STAC: variants seen among roughly 807,000 people sequenced by gnomAD.
The protein encoded by STAC is SH3 and cysteine rich domain, also known as SH3 and cysteine-rich domain-containing protein.
STAC carries 43 observed loss-of-function variants against 48.8 expected under a neutral mutation model. The observed-to-expected ratio is 0.88, with a 90% CI of 0.69 to 1.14. The LOEUF is 1.14. Among genes scored for constraint, STAC ranks in the 50% most tolerant of loss-of-function variants. The probability of loss-of-function intolerance (pLI) is 0.00; values close to 1 mark genes in which losing one functional copy is unlikely to be tolerated. For synonymous variants in STAC, 193 were observed against 179.5 expected, an observed-to-expected ratio of 1.07 and a Z score of -0.60; for missense variants, 497 against 504.0, an observed-to-expected ratio of 0.99 and a Z score of 0.13.
At chr3:36,447,643 TAC>T (rs201634587) in intron 2 of STAC, among the ~76,000 whole-genome samples, 269 of 132,476 alleles carry the variant, frequency 2.0e-3, no homozygotes, top group Non-Finnish European at 3.3e-3. Flanking sequence ...TATATATGTA[TAC>T]ACACCACACA....
rs915620718 is a variant in STAC at position 36,391,408 on chromosome 3, T to A, written c.111+10654T>A. ...ATCATTTCATCCACCAGCTGAAAAC[T>A]CCTAAATCTGCATCCAACCCAGACA... On this transcript the variant is annotated intron_variant, in intron 1 of 10. Coordinates refer to ENST00000273183, the MANE Select transcript of STAC (RefSeq NM_003149.3). 4.6e-5 allele frequency among the ~76,000 whole-genome samples: 7 copies of A among 152,280 alleles called. No individual in the cohort carries two copies. The South Asian group carries it at 1.4e-3, about 32-fold the overall frequency.
intron 1 of STAC, among the ~76,000 whole-genome samples, chr3:36,432,235 T>A (rs1359112506): frequency 6.6e-6 from 1 of 152,220 alleles, no homozygotes; most frequent in African/African-American, 2.4e-5. Flanking sequence ...TCCTATTTTA[T>A]GGACGGGGAA....
intron 2 of STAC, among the ~76,000 whole-genome samples, chr3:36,469,361 T>A (rs1697262961): frequency 6.6e-6 from 1 of 152,148 alleles, no homozygotes. Flanking sequence ...TTTTGCTGGA[T>A]AAAAAATTAC....
At chr3:36,386,977 C>T (rs1390476284) in intron 1 of STAC, among the ~76,000 whole-genome samples, 1 of 152,036 alleles carries the variant, frequency 6.6e-6, no homozygotes, top group African/African-American at 2.4e-5. Flanking sequence ...AGAGAATGGG[C>T]ATGTTCTCAC....
chr3:36,401,038 C>T (rs567794131), intron 1 of STAC, among the ~76,000 whole-genome samples: 1 of 152,140 alleles, frequency 6.6e-6, no homozygotes, highest in Non-Finnish European at 1.5e-5. Flanking sequence ...CAAAGGATGT[C>T]GGCTTCATAT....
chr3:36,437,450 A>T (rs1191664332), intron 1 of STAC, among the ~76,000 whole-genome samples: 1 of 152,014 alleles, frequency 6.6e-6, no homozygotes, highest in East Asian at 1.9e-4. Flanking sequence ...GCAGCCATAA[A>T]AAATGATGAG....
At chr3:36,509,689 G>A (rs1698488917) in intron 8 of STAC, among the ~76,000 whole-genome samples, 1 of 151,220 alleles carries the variant, frequency 6.6e-6, no homozygotes, top group African/African-American at 2.4e-5. Flanking sequence ...CTGCTTGACT[G>A]AAAAAAACAA....
chr3:36,401,039 G>A (rs370737424), intron 1 of STAC, among the ~76,000 whole-genome samples: 19 of 152,090 alleles, frequency 1.2e-4, no homozygotes, highest in African/African-American at 2.9e-4. Context: ...AAAGGATGTC[G>A]GCTTCATATG....
chr3:36,500,499 G>C (rs376839805), intron 6 of STAC, among the ~76,000 whole-genome samples: 297 of 152,174 alleles, frequency 2.0e-3, no homozygotes, highest in African/African-American at 6.7e-3. Context: ...TGCATGCTGG[G>C]CTTAATGCCT....
At chr3:36,467,467 C>T (rs1015219041) in intron 2 of STAC, among the ~76,000 whole-genome samples, 21 of 152,062 alleles carry the variant, frequency 1.4e-4, no homozygotes, top group African/African-American at 4.1e-4. Flanking sequence ...TGAATCTGTG[C>T]GGTTCTGGAC....
intron 1 of STAC, among the ~76,000 whole-genome samples, chr3:36,386,115 C>G (rs1026448915): frequency 6.6e-6 from 1 of 152,066 alleles, no homozygotes; most frequent in African/African-American, 2.4e-5. Flanking sequence ...TATAAGACTT[C>G]AATCCACTCT....
chr3:36,448,901 A>AC lies in STAC; in HGVS notation c.388+5272dup, dbSNP rs10573449. Among the ~76,000 whole-genome samples, 102 of 143,182 alleles carry AC rather than the reference A, an allele frequency of 7.1e-4. 1 individual carries two copies. The South Asian group carries it at 8.6e-3, about 12-fold the overall frequency. 93.9% of individuals were successfully genotyped at this position (143,182 alleles called of 152,430 possible). On this transcript the variant is annotated intron_variant, in intron 2 of 10. Coordinates refer to ENST00000273183, the MANE Select transcript of STAC (RefSeq NM_003149.3). ...AAGACCAGCCTGGGCAAAACAGTGA[A>AC]CCCCCCCCCCCACTCCCGACCCAGT... is the stretch of plus-strand genomic sequence containing the variant.
intron 8 of STAC, among the ~76,000 whole-genome samples, chr3:36,509,115 G>A (rs549280031): frequency 6.6e-6 from 1 of 152,260 alleles, no homozygotes; most frequent in Non-Finnish European, 1.5e-5. Flanking sequence ...ATGCCTGGTG[G>A]TGACAGAGTC....
chr3:36,449,383 G>C (rs6764657), intron 2 of STAC, among the ~76,000 whole-genome samples: 2 of 152,070 alleles, frequency 1.3e-5, no homozygotes, highest in African/African-American at 4.8e-5. Context: ...ACAATTTGGC[G>C]TGTATCTCCT....
At chr3:36,484,939 G>A (rs778960489) in intron 3 of STAC, 38 bp from the exon 4 acceptor site, 1 of 1,526,228 alleles carries the variant, frequency 6.6e-7, no homozygotes, top group Non-Finnish European at 8.9e-7. Flanking sequence ...TCCATCTCCA[G>A]TGACATTAAC....
At chr3:36,528,610 T>A in intron 8 of STAC, 86 bp from the exon 9 acceptor site, 1 of 1,094,858 alleles carries the variant, frequency 9.1e-7, no homozygotes, top group Non-Finnish European at 1.3e-6. Flanking sequence ...ACTATTTGTG[T>A]AAATGAGAAA....
intron 2 of STAC, among the ~76,000 whole-genome samples, chr3:36,461,690 G>A (rs999177544): frequency 5.3e-5 from 8 of 152,138 alleles, no homozygotes; most frequent in African/African-American, 1.9e-4. Context: ...AAGATAATAT[G>A]AGTAAATTTT....
Position 36,546,961 on chromosome 3 carries a change from T to G in STAC, c.*672T>G, listed in dbSNP as rs1377525588. 1 of 152,452 alleles carries G rather than the reference T, an allele frequency of 6.6e-6. No individual in the cohort carries two copies. The highest frequency in any genetic ancestry group is 1.9e-4 in the East Asian group (1 of 5,200). The allele number at this position is 152,452 out of a possible 1,614,324, so 9.4% of individuals were successfully genotyped here. A position where few individuals can be genotyped will look rare whatever the true frequency, so the allele number is the denominator to read the frequency against. On this transcript the variant is annotated 3_prime_UTR_variant, in exon 11 of 11. Transcript: ENST00000273183. ...CCAAAGACCTGACCTGCCTAAAGAC[T>G]GATGACAGGCCATCCTTCCTGCTGT...
At chr3:36,427,683 A>G (rs1253558568) in intron 1 of STAC, among the ~76,000 whole-genome samples, 1 of 152,234 alleles carries the variant, frequency 6.6e-6, no homozygotes, top group Non-Finnish European at 1.5e-5. Flanking sequence ...TGCCAGGCTC[A>G]GTTTGAGATT....
Sources: allele counts gnomAD v4.1 joint callset (sites outside exome capture counted in the v4.1 genomes callset), GRCh38; gene constraint gnomAD v4.1.1; transcripts MANE v1.5; gene names NCBI Gene and HGNC (gene_info 2026-07-23, HGNC 2026-07-21).